The following STEAP2 variants were observed in gnomAD, a reference collection of about 807,000 sequenced individuals.
STEAP2 encodes the protein STEAP2 metalloreductase, also known as metalloreductase STEAP2.
A neutral mutation model predicts 46.4 loss-of-function variants in STEAP2; 30 were observed. The observed-to-expected ratio is 0.65, with a 90% CI of 0.48 to 0.88. The LOEUF is 0.88. STEAP2 is among the 40% of genes least tolerant of loss of function. STEAP2 has a pLI of 0.00. For missense variants in STEAP2, 513 were observed against 579.3 expected (o/e 0.89, Z 1.18); for synonymous variants, 180 against 200.5 (o/e 0.90, Z 0.86).
chr7:90,236,843 C>T lies in STEAP2; in HGVS notation c.*4219C>T. The T allele has an allele frequency of 6.2e-7, 1 of 1,609,646 alleles. No homozygotes were observed. Among genetic ancestry groups the T allele is most frequent in the Non-Finnish European group, 8.5e-7 (1 of 1,177,998 alleles). On this transcript the variant is annotated 3_prime_UTR_variant, in exon 6 of 6. Coordinates refer to ENST00000394621, the MANE Select transcript of STEAP2 (RefSeq NM_001244944.2). ...AAAAGCAGATGCTTTTGTATGATCTCCAAATTGCCAACTTTAAGGAAATAT... is the reference window on the plus strand; with the variant it reads ...AAAAGCAGATGCTTTTGTATGATCTTCAAATTGCCAACTTTAAGGAAATAT...
intron 1 of STEAP2, chr7:90,212,417 A>G (rs1794853046): frequency 6.6e-6 from 1 of 152,288 alleles, no homozygotes; most frequent in Non-Finnish European, 1.5e-5. Flanking sequence ...GGGTTGATGC[A>G]GGGCATTTCA....
chr7:90,222,114 G>A (rs1795278018), intron 2 of STEAP2, among the ~76,000 whole-genome samples: 1 of 152,034 alleles, frequency 6.6e-6, no homozygotes, highest in Non-Finnish European at 1.5e-5. Context: ...AATGAAGTGA[G>A]CATGGATTTC....
In STEAP2 at chr7:90,235,922, T is replaced by C; in HGVS notation, c.*3298T>C. 1.0e-6 allele frequency: 1 copy of C among 981,438 alleles called. No individual in the cohort carries two copies. The highest frequency in any genetic ancestry group is 1.2e-6 in the Non-Finnish European group (1 of 826,264). The allele number at this position is 981,438 out of a possible 1,614,324, so 60.8% of individuals were successfully genotyped here. A position where few individuals can be genotyped will look rare whatever the true frequency, so the allele number is the denominator to read the frequency against. ...TACATACAGGTTGGCTAATGAGCTC[T>C]AGTGTTAAACTACCTGATTAATTTC... On this transcript the variant is annotated 3_prime_UTR_variant, in exon 6 of 6. Coordinates refer to ENST00000394621, the MANE Select transcript of STEAP2 (RefSeq NM_001244944.2).
chr7:90,240,454 C>T (rs1368953931), downstream of STEAP2, among the ~76,000 whole-genome samples: 1 of 152,090 alleles, frequency 6.6e-6, no homozygotes, highest in Non-Finnish European at 1.5e-5. The surrounding 1 kb of genome is among the most constrained non-coding windows in gnomAD (Gnocchi z 4.1). Flanking sequence ...TTTGCTTGCA[C>T]ATTTAGAACA....
In STEAP2 at chr7:90,236,849, T is replaced by A; in HGVS notation, c.*4225T>A. The stretch of plus-strand genomic sequence containing the variant: ...AGATGCTTTTGTATGATCTCCAAAT[T>A]GCCAACTTTAAGGAAATATTCTCTT... On this transcript the variant is annotated 3_prime_UTR_variant, in exon 6 of 6. Transcript: ENST00000394621. 6.2e-7 allele frequency: 1 copy of A among 1,611,028 alleles called. No individual in the cohort carries two copies. Among genetic ancestry groups the A allele is most frequent in the South Asian group, 1.1e-5 (1 of 90,550 alleles).
rs1277640683 is a variant in STEAP2, at chr7:90,227,355, C to T, written c.877C>T (p.Pro293Ser). 1.2e-6 allele frequency: 2 copies of T among 1,613,818 alleles called. No individual in the cohort carries two copies. Among genetic ancestry groups the T allele is most frequent in the Middle Eastern group, 3.3e-4 (2 of 6,058 alleles). Reference sequence around the variant, plus strand: ...CGGCACCAAGTATAGGAGATTTCCACCTTGGTTGGAAACCTGGTTACAGTG... The same window carrying T: ...CGGCACCAAGTATAGGAGATTTCCATCTTGGTTGGAAACCTGGTTACAGTG... Reference protein sequence around the residue: ...YYGTKYRRFPPWLETWLQCRK... With the variant: ...YYGTKYRRFPSWLETWLQCRK... The change falls in exon 4 of 6, where the codon CCT becomes TCT. Residue 293 changes from proline (P) to serine (S), a missense_variant. Pro to Ser is a moderately conservative substitution (Grantham distance 74). Coordinates refer to ENST00000394621, the MANE Select transcript of STEAP2 (RefSeq NM_001244944.2).
At chr7:90,238,116 G>C, downstream of STEAP2, 1 of 715,196 alleles carries the variant, frequency 1.4e-6, no homozygotes, top group African/African-American at 1.8e-5. Context: ...GCGCTACCCT[G>C]TTGTCCTAAA....
rs936676976 is a variant in STEAP2 at position 90,234,755 on chromosome 7, G to A, written c.*2131G>A. 1.2e-4 allele frequency: 65 copies of A among 548,044 alleles called. No individual in the cohort carries two copies. The Admixed American group carries it at 1.3e-3, about 11-fold the overall frequency. The allele number at this position is 548,044 out of a possible 1,614,324, so 33.9% of individuals were successfully genotyped here. On this transcript the variant is annotated 3_prime_UTR_variant, in exon 6 of 6. Coordinates refer to ENST00000394621, the MANE Select transcript of STEAP2 (RefSeq NM_001244944.2). ...TTTTTAGTAGAGACGGAGTTTCACC[G>A]TGTTAGCCAGGATGGTCTCGATCTC...
rs867660953 is a variant in STEAP2, at chr7:90,225,314, C to T, written c.232C>T (p.His78Tyr). The change falls in exon 3 of 6, where the codon CAT becomes TAT. Residue 78 changes from histidine to tyrosine, a missense_variant. Coordinates refer to ENST00000394621, the MANE Select transcript of STEAP2 (RefSeq NM_001244944.2). ...EFFPHVVDVT[H>Y]HEDALTKTNI... ...TTTTCCTCATGTGGTAGATGTCACT[C>T]ATCATGAAGATGCTCTCACAAAAAC... The T allele has an allele frequency of 3.1e-6, 5 of 1,613,866 alleles. No individual in the cohort carries two copies. Among genetic ancestry groups the T allele is most frequent in the Middle Eastern group, 1.6e-4 (1 of 6,080 alleles).
rs1008622702 is a variant in STEAP2, at chr7:90,234,796, G to T, written c.*2172G>T. 13 of 817,112 alleles carry T rather than the reference G, an allele frequency of 1.6e-5. No homozygotes were observed. The highest frequency in any genetic ancestry group is 1.9e-5 in the African/African-American group (1 of 53,586). The allele number at this position is 817,112 out of a possible 1,614,324, so 50.6% of individuals were successfully genotyped here. ...TCTCGATCTCCTGACCTCGTGATCC[G>T]CCCGCCTTGGCCTCCAAAGTGCTGG... is the stretch of plus-strand genomic sequence containing the variant. On this transcript the variant is annotated 3_prime_UTR_variant, in exon 6 of 6. Coordinates refer to ENST00000394621, the MANE Select transcript of STEAP2 (RefSeq NM_001244944.2).
rs555619606 is a variant in STEAP2, at chr7:90,217,445, C to G, written c.-34+842C>G. ...CATCCTTCCAGCCTCTGATATCTCT[C>G]ATGCTATTCTCTACCTCCATGGGAT... On this transcript the variant is annotated intron_variant, in intron 2 of 5. Coordinates refer to ENST00000394621, the MANE Select transcript of STEAP2 (RefSeq NM_001244944.2). Among the ~76,000 whole-genome samples, 270 of 152,280 alleles carry G rather than the reference C, an allele frequency of 1.8e-3. 2 individuals are homozygous for G. Among genetic ancestry groups the G allele is most frequent in the African/African-American group, 6.3e-3 (263 of 41,562 alleles).
chr7:90,218,481 A>G (rs1795122053), intron 2 of STEAP2, among the ~76,000 whole-genome samples: 1 of 152,158 alleles, frequency 6.6e-6, no homozygotes, highest in Non-Finnish European at 1.5e-5. Context: ...ATTCTTCTGC[A>G]TACAGATATC....
intron 2 of STEAP2, among the ~76,000 whole-genome samples, chr7:90,221,694 A>G (rs1481353333): frequency 6.6e-6 from 1 of 152,200 alleles, no homozygotes; most frequent in Non-Finnish European, 1.5e-5. Context: ...ATCTCCAAAC[A>G]GATACAATAC....
At chr7:90,219,059 G>A (rs1014602020) in intron 2 of STEAP2, among the ~76,000 whole-genome samples, 13 of 151,580 alleles carry the variant, frequency 8.6e-5, no homozygotes, top group African/African-American at 2.4e-4. Flanking sequence ...AAATGGGATT[G>A]CCTTCTTGGT....
At chr7:90,238,216 G>T, downstream of STEAP2, 1 of 706,122 alleles carries the variant, frequency 1.4e-6, no homozygotes, top group South Asian at 1.5e-5. Flanking sequence ...AGGAGTAACT[G>T]ACCTTTGTGC....
At chr7:90,217,732 G>C (rs2116170898) in intron 2 of STEAP2, among the ~76,000 whole-genome samples, 1 of 149,362 alleles carries the variant, frequency 6.7e-6, no homozygotes, top group Admixed American at 6.7e-5. Context: ...AAAAACATGT[G>C]AGGACGGGTA....
In STEAP2 at chr7:90,234,530, T is replaced by G. The variant is rs1405133461; in HGVS notation, c.*1906T>G. On this transcript the variant is annotated 3_prime_UTR_variant, in exon 6 of 6. Transcript: ENST00000394621. Reference sequence around the variant, plus strand: ...TTTCTAATGTTCTCTTGGTGAATTTTATTATCTTGTACCCTCTTTTTTTTT... The same window carrying G: ...TTTCTAATGTTCTCTTGGTGAATTTGATTATCTTGTACCCTCTTTTTTTTT... 1.0e-6 allele frequency: 1 copy of G among 981,742 alleles called. No individual in the cohort carries two copies. Among genetic ancestry groups the G allele is most frequent in the Admixed American group, 6.2e-5 (1 of 16,016 alleles). 60.8% of individuals were successfully genotyped at this position (981,742 alleles called of 1,614,324 possible).
At chr7:90,221,269 A>G (rs1263543784) in intron 2 of STEAP2, among the ~76,000 whole-genome samples, 1 of 152,108 alleles carries the variant, frequency 6.6e-6, no homozygotes, top group Non-Finnish European at 1.5e-5. Context: ...TTTAGATCTG[A>G]TAACACTTTA....
chr7:90,227,016 G>A lies in STEAP2; in HGVS notation c.538G>A (p.Glu180Lys). 1 of 1,610,286 alleles carries A rather than the reference G, an allele frequency of 6.2e-7. No homozygotes were observed. Among genetic ancestry groups the A allele is most frequent in the Non-Finnish European group, 8.5e-7 (1 of 1,178,702 alleles). Reference protein sequence around the residue: ...NNIQARQQVIELARQLNFIPI... With the variant: ...NNIQARQQVIKLARQLNFIPI... The stretch of plus-strand genomic sequence containing the variant: ...TATTCAAGCGCGACAACAGGTTATT[G>A]AACTTGCCCGCCAGTTGAATTTCAT... Residue 180 changes from glutamate to lysine, a missense_variant, in exon 4 of 6, where the codon GAA becomes AAA. By Grantham distance (56) the Glu-to-Lys change is moderately conservative. Coordinates refer to ENST00000394621, the MANE Select transcript of STEAP2 (RefSeq NM_001244944.2).
Sources: allele counts gnomAD v4.1 joint callset (sites outside exome capture counted in the v4.1 genomes callset), GRCh38; gene constraint gnomAD v4.1.1; non-coding constraint Gnocchi (gnomAD v3.1); transcripts MANE v1.5; gene names NCBI Gene and HGNC (gene_info 2026-07-23, HGNC 2026-07-21).